The following DHRSX variants were observed in gnomAD, a reference collection of about 807,000 sequenced individuals.
DHRSX encodes the protein polyprenol dehydrogenase.
DHRSX carries 31 observed loss-of-function variants against 34.0 expected under a neutral mutation model. That is an observed-to-expected ratio of 0.91 (90% confidence interval 0.69 to 1.23). DHRSX has a LOEUF of 1.23. Ranked by LOEUF, DHRSX falls within the 50% of genes most tolerant of loss-of-function variation. DHRSX has a pLI of 0.00. For synonymous variants in DHRSX, 201 were observed against 183.8 expected (o/e 1.09, Z -0.76); for missense variants, 414 against 428.1 (o/e 0.97, Z 0.29).
At chrX:2,480,685 G>C (rs1006685530) in intron 1 of DHRSX, among the ~76,000 whole-genome samples, 2 of 151,828 alleles carry the variant, frequency 1.3e-5, no homozygotes, top group African/African-American at 4.8e-5. Flanking sequence ...CAGGTGTGGT[G>C]GTGTGCACCT....
At chrX:2,318,173 C>T (rs2042262612) in intron 3 of DHRSX, among the ~76,000 whole-genome samples, 2 of 133,428 alleles carry the variant, frequency 1.5e-5, no homozygotes, top group East Asian at 4.5e-4. Flanking sequence ...GGTGAAACCT[C>T]GTGTCTACCA....
At chrX:2,426,961 G>C (rs1446327018) in intron 1 of DHRSX, among the ~76,000 whole-genome samples, 1 of 151,890 alleles carries the variant, frequency 6.6e-6, no homozygotes, top group African/African-American at 2.4e-5. Flanking sequence ...AAATGAATTA[G>C]ACAAAGATAA....
In DHRSX at chrX:2,249,194, T is replaced by TA. The variant is rs2016374475; in HGVS notation, c.597-5965_597-5964insT. 2.1e-5 allele frequency among the ~76,000 whole-genome samples: 3 copies of TA among 146,042 alleles called. No individual in the cohort carries two copies. In the South Asian group the frequency reaches 6.6e-4, roughly 32 times the overall value. On this transcript the variant is annotated intron_variant, in intron 5 of 6. Transcript: ENST00000334651. ...CTCAATCTTTAAAATCATAAATCTT[T>TA]TTTTTTTTTTTTTTTTGAGACAGAG...
intron 4 of DHRSX, among the ~76,000 whole-genome samples, chrX:2,283,532 A>G (rs1471260317): frequency 2.6e-5 from 4 of 152,046 alleles, no homozygotes; most frequent in African/African-American, 9.7e-5. Context: ...TCACATAGAA[A>G]ATGCCAGGCG....
chrX:2,282,812 AAGAGAGAGAG>A (rs2041739293), intron 4 of DHRSX, among the ~76,000 whole-genome samples: 1 of 83,220 alleles, frequency 1.2e-5, no homozygotes, highest in East Asian at 3.9e-4. Flanking sequence ...AGAAGAGAGA[AAGAGAGAGAG>A]GGAGAGAGAG....
intron 3 of DHRSX, among the ~76,000 whole-genome samples, chrX:2,332,894 G>T (rs1309556264): frequency 6.6e-6 from 1 of 152,016 alleles, no homozygotes; most frequent in Admixed American, 6.6e-5. Flanking sequence ...TGTACTCTGC[G>T]GTGAGTACCA....
intron 4 of DHRSX, among the ~76,000 whole-genome samples, chrX:2,270,989 G>A (rs2041545373): frequency 6.6e-6 from 1 of 152,224 alleles, no homozygotes. Flanking sequence ...TCAGCAGGAT[G>A]TGGGCGGGGC....
chrX:2,323,960 G>C (rs1222190773), intron 3 of DHRSX, among the ~76,000 whole-genome samples: 2 of 150,886 alleles, frequency 1.3e-5, no homozygotes, highest in African/African-American at 4.9e-5. Context: ...GGGAGGCTGA[G>C]ATGTGAGGAT....
At chrX:2,411,932 C>T (rs774676944) in intron 2 of DHRSX, among the ~76,000 whole-genome samples, 6 of 152,266 alleles carry the variant, frequency 3.9e-5, no homozygotes, top group South Asian at 2.1e-4. Context: ...GCACCGTCAA[C>T]GCTGGCATAG....
intron 3 of DHRSX, among the ~76,000 whole-genome samples, chrX:2,400,136 A>T (rs1283869424): frequency 1.3e-5 from 2 of 152,202 alleles, no homozygotes; most frequent in Non-Finnish European, 2.9e-5. Flanking sequence ...AACATAATTA[A>T]TCGTTGGCGA....
At chrX:2,456,550 G>T (rs1002586902) in intron 1 of DHRSX, among the ~76,000 whole-genome samples, 1 of 147,548 alleles carries the variant, frequency 6.8e-6, no homozygotes, top group South Asian at 2.1e-4. Flanking sequence ...GGAGGCGGAG[G>T]TTGCAGTGAG....
chrX:2,246,699 AAAG>A (rs1314006972), intron 5 of DHRSX, among the ~76,000 whole-genome samples: 8 of 117,596 alleles, frequency 6.8e-5, no homozygotes, highest in African/African-American at 2.8e-4. Flanking sequence ...AAAAGAAAAG[AAAG>A]AAAGAGAAAG....
chrX:2,445,578 T>C (rs1025047535), intron 1 of DHRSX, among the ~76,000 whole-genome samples: 4 of 152,136 alleles, frequency 2.6e-5, no homozygotes, highest in Non-Finnish European at 5.9e-5. Context: ...AGACTTTCCC[T>C]AAGAATGCGG....
chrX:2,490,703 AG>A, intron 1 of DHRSX: 1 of 1,613,536 alleles, frequency 6.2e-7, no homozygotes, highest in Non-Finnish European at 8.5e-7. Flanking sequence ...GGAGCTCTCC[AG>A]GCTTTTATTC....
chrX:2,340,067 T>A (rs1393656758), intron 3 of DHRSX, among the ~76,000 whole-genome samples: 1 of 152,026 alleles, frequency 6.6e-6, no homozygotes, highest in East Asian at 1.9e-4. Flanking sequence ...GAAACCATTC[T>A]TCTCAGCAAA....
chrX:2,232,789 G>C (rs2015926592), intron 6 of DHRSX, among the ~76,000 whole-genome samples: 2 of 151,990 alleles, frequency 1.3e-5, no homozygotes, highest in South Asian at 4.2e-4. Flanking sequence ...GGCCAGGCTG[G>C]TCTCGAACTC....
chrX:2,318,665 C>T (rs1477855356), intron 3 of DHRSX, among the ~76,000 whole-genome samples: 1 of 151,308 alleles, frequency 6.6e-6, no homozygotes, highest in Non-Finnish European at 1.5e-5. Flanking sequence ...CCCTCAGTTC[C>T]CAGAACCGCC....
intron 1 of DHRSX, among the ~76,000 whole-genome samples, chrX:2,480,410 G>A (rs5939172): frequency 0.18 from 27,010 of 150,590 alleles, 2,924 homozygotes; most frequent in South Asian, 0.27. Flanking sequence ...GGCCAGGAGC[G>A]GTGGCTCATG....
chrX:2,301,720 C>T (rs981952085), intron 3 of DHRSX, among the ~76,000 whole-genome samples: 3 of 152,110 alleles, frequency 2.0e-5, no homozygotes, highest in Non-Finnish European at 4.4e-5. Context: ...CTCACTGCAA[C>T]CTCCACCTCC....
Sources: allele counts gnomAD v4.1 joint callset (sites outside exome capture counted in the v4.1 genomes callset), GRCh38; gene constraint gnomAD v4.1.1; transcripts MANE v1.5; gene names NCBI Gene and HGNC (gene_info 2026-07-23, HGNC 2026-07-21).